Variants in NPAS3 observed in about 807,000 individuals in gnomAD.
NPAS3 encodes neuronal PAS domain-containing protein 3.
In NPAS3, 14 loss-of-function variants were observed where a neutral mutation model predicts 73.1. The ratio of observed to expected loss-of-function variants is 0.19; its 90% confidence interval spans 0.13 to 0.30. NPAS3 has a LOEUF of 0.30. Ranked by LOEUF, NPAS3 falls within the 10% of genes least tolerant of loss-of-function variation. The probability of loss-of-function intolerance (pLI) is 1.00; values close to 1 mark genes in which losing one functional copy is unlikely to be tolerated. For missense variants in NPAS3, 1,096 were observed against 1,250.0 expected (o/e 0.88, Z 1.86); for synonymous variants, 620 against 541.5 (o/e 1.14, Z -2.01).
chr14:33,224,007 T>A (rs2047531509), intron 3 of NPAS3, among the ~76,000 whole-genome samples: 1 of 152,186 alleles, frequency 6.6e-6, no homozygotes, highest in African/African-American at 2.4e-5. Context: ...TTTCTTTGCA[T>A]TTACTCTCTT....
chr14:33,217,949 G>A lies in NPAS3; in HGVS notation c.385+2523G>A, dbSNP rs142925374. ...TTGTTTTCTATCACCATCATCAGAC[G>A]TTTTAGGTGAGAATTTTCTCAGCTT... On this transcript the variant is annotated intron_variant, in intron 3 of 11. Coordinates refer to ENST00000356141, the Ensembl canonical transcript of NPAS3. Among the ~76,000 whole-genome samples the A allele has an allele frequency of 2.6e-5, 4 of 152,250 alleles. No individual in the cohort carries two copies. The East Asian group carries it at 5.8e-4, about 22-fold the overall frequency.
intron 1 of NPAS3, among the ~76,000 whole-genome samples, chr14:33,000,906 G>A (rs936756629): frequency 5.9e-5 from 9 of 152,220 alleles, no homozygotes; most frequent in Non-Finnish European, 1.0e-4. Flanking sequence ...AGAATGAAAT[G>A]AAAATACAGA....
chr14:33,167,052 T>C (rs1325399428), intron 2 of NPAS3, among the ~76,000 whole-genome samples: 1 of 152,180 alleles, frequency 6.6e-6, no homozygotes, highest in African/African-American at 2.4e-5. Context: ...TATTTTCATA[T>C]TGGAAATATT....
At chr14:33,505,664 T>A (rs191324642) in intron 4 of NPAS3, among the ~76,000 whole-genome samples, 238 of 152,162 alleles carry the variant, frequency 1.6e-3, no homozygotes, top group Non-Finnish European at 2.9e-3. Flanking sequence ...TGTTTATTTA[T>A]TCAAAACCGG....
chr14:33,124,809 G>A (rs1357455351), intron 2 of NPAS3, among the ~76,000 whole-genome samples: 1 of 152,068 alleles, frequency 6.6e-6, no homozygotes, highest in African/African-American at 2.4e-5. Flanking sequence ...TTTAAACATA[G>A]TGATCAATTT....
chr14:33,530,966 A>T (rs2054014979), intron 4 of NPAS3, among the ~76,000 whole-genome samples: 2 of 152,102 alleles, frequency 1.3e-5, no homozygotes, highest in Admixed American at 1.3e-4. Context: ...AGTATGGGAA[A>T]TATTCTCTGT....
chr14:33,043,291 A>T (rs2040403620), intron 1 of NPAS3, among the ~76,000 whole-genome samples: 1 of 152,248 alleles, frequency 6.6e-6, no homozygotes, highest in Middle Eastern at 3.4e-3. Flanking sequence ...TTGAAATGCT[A>T]TACTAAACGA....
intron 4 of NPAS3, among the ~76,000 whole-genome samples, chr14:33,396,517 T>G (rs2047228681): frequency 6.6e-6 from 1 of 152,200 alleles, no homozygotes; most frequent in Admixed American, 6.5e-5. Flanking sequence ...TGTTAATATT[T>G]CAAGTCTATT....
intron 4 of NPAS3, among the ~76,000 whole-genome samples, chr14:33,523,452 A>C: frequency 8.6e-6 from 1 of 116,830 alleles, no homozygotes; most frequent in African/African-American, 3.5e-5. Context: ...ACTCTGTCTC[A>C]AAAAAAAAAA....
intron 2 of NPAS3, among the ~76,000 whole-genome samples, chr14:33,175,216 A>G (rs901594700): frequency 4.6e-5 from 7 of 152,222 alleles, no homozygotes; most frequent in Admixed American, 2.6e-4. Context: ...AGGTTATACC[A>G]AAAATGTTTT....
chr14:32,943,326 C>T (rs1261765141), intron 1 of NPAS3, among the ~76,000 whole-genome samples: 1 of 152,120 alleles, frequency 6.6e-6, no homozygotes, highest in African/African-American at 2.4e-5. Context: ...TTATACTGTA[C>T]TTCAAATATA....
chr14:33,255,723 A>G (rs972658485), intron 3 of NPAS3, among the ~76,000 whole-genome samples: 3 of 152,148 alleles, frequency 2.0e-5, no homozygotes, highest in African/African-American at 4.8e-5. Flanking sequence ...TGGAAAACCA[A>G]TTTCACAGTT....
chr14:33,723,852 C>T (rs915210185), intron 6 of NPAS3, among the ~76,000 whole-genome samples: 5 of 152,154 alleles, frequency 3.3e-5, no homozygotes, highest in Non-Finnish European at 5.9e-5. Flanking sequence ...TTCCTGTGTA[C>T]CCCTCAGCTC....
chr14:33,710,729 A>AT (rs2060795277), intron 6 of NPAS3, among the ~76,000 whole-genome samples: 1 of 152,244 alleles, frequency 6.6e-6, no homozygotes, highest in South Asian at 2.1e-4. Flanking sequence ...TCCCTAGGAC[A>AT]TTCTGAGAAC....
At chr14:33,675,137 T>C (rs1165007528) in intron 5 of NPAS3, among the ~76,000 whole-genome samples, 2 of 152,100 alleles carry the variant, frequency 1.3e-5, no homozygotes, top group South Asian at 2.1e-4. Context: ...CCTGAAACCA[T>C]TGCACTCCGG....
At chr14:33,171,445 T>A (rs933926697) in intron 2 of NPAS3, among the ~76,000 whole-genome samples, 1 of 152,162 alleles carries the variant, frequency 6.6e-6, no homozygotes, top group Admixed American at 6.5e-5. Context: ...AGCTTCTCCA[T>A]CAGCACTTGC....
At position 33,671,480 on chromosome 14, in the gene NPAS3, T is replaced by C. The variant is rs139276682; in HGVS notation, c.559-4731T>C. Among the ~76,000 whole-genome samples, 1,067 of 152,314 alleles carry C rather than the reference T, an allele frequency of 7.0e-3. 7 individuals carry two copies. Among genetic ancestry groups the C allele is most frequent in the Non-Finnish European group, 0.011 (781 of 68,030 alleles). The stretch of plus-strand genomic sequence containing the variant: ...TGAAATAAATTTGAGAAAGGCTGTG[T>C]GGTTTAGCTTGACTATAGGATATTC... On this transcript the variant is annotated intron_variant, in intron 5 of 11. Coordinates refer to ENST00000356141, the Ensembl canonical transcript of NPAS3.
At chr14:33,752,039 A>C (rs1375092129) in intron 7 of NPAS3, among the ~76,000 whole-genome samples, 1 of 152,218 alleles carries the variant, frequency 6.6e-6, no homozygotes, top group East Asian at 1.9e-4. Context: ...TCCCCAAAAA[A>C]TAAACCTTTA....
intron 2 of NPAS3, among the ~76,000 whole-genome samples, chr14:33,115,041 A>G (rs17460634): frequency 0.23 from 35,238 of 152,108 alleles, 4,643 homozygotes; most frequent in Middle Eastern, 0.32. Context: ...GAAAGGCATG[A>G]TAGACTAGAA....
Sources: gnomAD v4.1 joint callset for allele counts (sites outside exome capture counted in the v4.1 genomes callset) on GRCh38, gnomAD v4.1.1 for gene constraint, MANE v1.5 for transcripts, NCBI Gene and HGNC (gene_info 2026-07-23, HGNC 2026-07-21) for gene names.